Variants in OTOP3 observed in about 807,000 individuals in gnomAD.
The protein encoded by OTOP3 is proton channel OTOP3.
OTOP3 carries 41 observed loss-of-function variants against 50.8 expected under a neutral mutation model. The ratio of observed to expected loss-of-function variants is 0.81; its 90% CI spans 0.63 to 1.05. OTOP3 has a LOEUF of 1.05. Ranked by LOEUF, OTOP3 falls within the 50% of genes least tolerant of loss-of-function variation. The pLI, the probability that OTOP3 is intolerant of heterozygous loss-of-function variation, is 0.00. For missense variants in OTOP3, 788 were observed against 760.8 expected, an observed-to-expected ratio of 1.04 and a Z score of -0.42; for synonymous variants, 320 against 324.4, an observed-to-expected ratio of 0.99 and a Z score of 0.14.
chr17:74,946,409 G>C (rs943580865), intron 5 of OTOP3, among the ~76,000 whole-genome samples: 16 of 152,210 alleles, frequency 1.1e-4, no homozygotes, highest in African/African-American at 3.9e-4. Flanking sequence ...CACTGCGCCT[G>C]GCTGGCATCA....
rs2039265751 is a variant in OTOP3, at chr17:74,949,731, AG to A, written c.*318del. The A allele has an allele frequency of 6.2e-6, 2 of 325,028 alleles. No individual in the cohort carries two copies. Among genetic ancestry groups the A allele is most frequent in the Non-Finnish European group, 1.1e-5 (2 of 175,772 alleles). The allele number at this position is 325,028 out of a possible 1,614,324, so 20.1% of individuals were successfully genotyped here. On this transcript the variant is annotated 3_prime_UTR_variant, in exon 7 of 7. Transcript: ENST00000328801. ...GGCCCCCTCACGGCTACTCTGTGGG[AG>A]GGTCAGACCTACATGACCGAGTCTG...
chr17:74,943,522 T>C (rs2039197077), intron 4 of OTOP3, 84 bp from the exon 5 acceptor site: 1 of 1,424,324 alleles, frequency 7.0e-7, no homozygotes, highest in Non-Finnish European at 9.9e-7. Context: ...GAGTGAGTGG[T>C]TGCCCCAACA....
chr17:74,943,441 G>A, intron 4 of OTOP3, 97 bp downstream of exon 4: 2 of 1,432,984 alleles, frequency 1.4e-6, no homozygotes, highest in Non-Finnish European at 2.0e-6. Flanking sequence ...AGTCTGGGAT[G>A]TGTCCTAGGT....
intron 1 of OTOP3, among the ~76,000 whole-genome samples, chr17:74,939,743 G>C (rs796794142): frequency 6.6e-6 from 1 of 152,078 alleles, no homozygotes; most frequent in South Asian, 2.1e-4. Flanking sequence ...TTCCGGGAGT[G>C]GGGGGAGGGG....
At position 74,947,152 on chromosome 17, in the gene OTOP3, T is replaced by TCCATCGTGG; in HGVS notation, c.1248_1256dup (p.Ile419_Ala421dup). 1 of 1,614,074 alleles carries TCCATCGTGG rather than the reference T, an allele frequency of 6.2e-7. No individual in the cohort carries two copies. Among genetic ancestry groups the TCCATCGTGG allele is most frequent in the Non-Finnish European group, 8.5e-7 (1 of 1,180,028 alleles). On this transcript the variant is annotated inframe_insertion, in exon 6 of 7. Transcript: ENST00000328801. ...GGGCCAGATGGGCATCGCCTATTTCTCCATCGTGGCCATTGTGGCCAAGCG... is the reference window on the plus strand; with the variant it reads ...GGGCCAGATGGGCATCGCCTATTTCTCCATCGTGGCCATCGTGGCCATTGTGGCCAAGCG...
upstream of OTOP3, chr17:74,935,849 G>A (rs1479907310): frequency 4.6e-6 from 7 of 1,533,156 alleles, no homozygotes; most frequent in South Asian, 8.4e-5. Context: ...GCTGGGGGAG[G>A]GCGTCGCGGG....
At chr17:74,941,281 C>T in intron 1 of OTOP3, 112 bp from the exon 2 acceptor site, 2 of 1,135,788 alleles carry the variant, frequency 1.8e-6, no homozygotes, top group Non-Finnish European at 1.2e-6. Flanking sequence ...TCCCAACCAC[C>T]CAACCAGAGA....
intron 6 of OTOP3, among the ~76,000 whole-genome samples, chr17:74,947,792 A>T (rs2039244143): frequency 6.6e-6 from 1 of 152,074 alleles, no homozygotes; most frequent in South Asian, 2.1e-4. Flanking sequence ...TTTCTAAGAC[A>T]CTCCTAGAGG....
chr17:74,943,796 A>AC, intron 5 of OTOP3, 72 bp downstream of exon 5: 2 of 1,243,470 alleles, frequency 1.6e-6, no homozygotes, highest in Non-Finnish European at 2.3e-6. Flanking sequence ...ACACACACAT[A>AC]AACGCTACAC....
At chr17:74,936,023 G>A (rs2039111467) in intron 1 of OTOP3, 83 bp downstream of exon 1, 2 of 1,525,572 alleles carry the variant, frequency 1.3e-6, no homozygotes, top group African/African-American at 1.4e-5. Flanking sequence ...CAAAAGGGGG[G>A]TTCACAAGTA....
intron 5 of OTOP3, among the ~76,000 whole-genome samples, 155 bp from the exon 6 acceptor site, chr17:74,946,506 T>C (rs2039225122): frequency 6.6e-6 from 1 of 152,244 alleles, no homozygotes; most frequent in Admixed American, 6.5e-5. Flanking sequence ...TTGTGATCTC[T>C]TTGCCTGGGC....
chr17:74,946,166 C>T (rs886135368), intron 5 of OTOP3, among the ~76,000 whole-genome samples: 5 of 152,022 alleles, frequency 3.3e-5, no homozygotes, highest in African/African-American at 4.8e-5. Context: ...TTAGTAGAGA[C>T]GGGGTTTCAC....
At chr17:74,939,930 T>G (rs6501743) in intron 1 of OTOP3, among the ~76,000 whole-genome samples, 133,534 of 151,994 alleles carry the variant, frequency 0.88, 58,834 homozygotes, top group East Asian at 0.96. Flanking sequence ...ATGTTTAAAC[T>G]CAGGGTCTTG....
Position 74,949,411 on chromosome 17 carries a change from G to C in OTOP3, c.1732G>C (p.Ala578Pro), listed in dbSNP as rs1406233060. 6.2e-7 allele frequency: 1 copy of C among 1,611,838 alleles called. No individual in the cohort carries two copies. Among genetic ancestry groups the C allele is most frequent in the South Asian group, 1.1e-5 (1 of 90,930 alleles). Residue 578 changes from alanine to proline, a missense_variant, in exon 7 of 7, where the codon GCC (alanine) becomes CCC (proline). Coordinates refer to ENST00000328801, the MANE Select transcript of OTOP3 (RefSeq NM_001272005.2). ...AGGCCTGGTGGAGGTCTACCTGGGG[G>C]CCTGAGGCTGCCCACCCCCGGCAGA... Reference protein sequence around the residue: ...VGGLVEVYLGA With the variant: ...VGGLVEVYLGP
intron 5 of OTOP3, among the ~76,000 whole-genome samples, chr17:74,945,631 G>A (rs760921297): frequency 3.3e-5 from 5 of 152,190 alleles, no homozygotes; most frequent in South Asian, 2.1e-4. Flanking sequence ...GGACAGGGAT[G>A]GCAAGGTACT....
Position 74,947,435 on chromosome 17 carries a change from T to C in OTOP3, c.1526T>C (p.Leu509Pro). The change falls in exon 6 of 7, where the codon CTC (leucine) becomes CCC (proline). Residue 509 changes from leucine (L) to proline (P), a missense_variant. Coordinates refer to ENST00000328801, the MANE Select transcript of OTOP3 (RefSeq NM_001272005.2). Reference sequence around the variant, plus strand: ...CACCTCAACTGGAAGCGGAGGGCACTCAAGGAGATCTCACTCTTCCTCATC... The same window carrying C: ...CACCTCAACTGGAAGCGGAGGGCACCCAAGGAGATCTCACTCTTCCTCATC... Reference protein sequence around the residue: ...YSHLNWKRRALKEISLFLILC... With the variant: ...YSHLNWKRRAPKEISLFLILC... The C allele has an allele frequency of 6.2e-7, 1 of 1,610,802 alleles. No homozygotes were observed. Among genetic ancestry groups the C allele is most frequent in the Non-Finnish European group, 8.5e-7 (1 of 1,178,538 alleles).
Position 74,943,623 on chromosome 17 carries a change from C to A in OTOP3, c.650C>A (p.Thr217Asn), listed in dbSNP as rs1336887607. ...TCCCCCAGGTGTGGCCTGATGCTGA[C>A]CCTGGCCACAAACCTGCTGCTGTGG... ...TNFTRCGLML[T>N]LATNLLLWVL... Residue 217 changes from threonine to asparagine, a missense_variant, in exon 5 of 7, where the codon ACC becomes AAC. By Grantham distance (65) the Thr-to-Asn change is moderately conservative. Coordinates refer to ENST00000328801, the MANE Select transcript of OTOP3 (RefSeq NM_001272005.2). 5 of 1,613,756 alleles carry A rather than the reference C, an allele frequency of 3.1e-6. No homozygotes were observed. Among genetic ancestry groups the A allele is most frequent in the Non-Finnish European group, 4.2e-6 (5 of 1,179,938 alleles).
chr17:74,940,547 C>A (rs1250918432), intron 1 of OTOP3, among the ~76,000 whole-genome samples: 1 of 152,094 alleles, frequency 6.6e-6, no homozygotes, highest in African/African-American at 2.4e-5. Context: ...GGGGAGGGAG[C>A]ATGACAGCCT....
rs1302739865 is a variant in OTOP3, at chr17:74,947,128, G to C, written c.1219G>C (p.Gly407Arg). Residue 407 changes from glycine to arginine, a missense_variant, in exon 6 of 7, where the codon GGC becomes CGC. Transcript: ENST00000328801. Reference protein sequence around the residue: ...DVVLLMGAALGQMGIAYFSIV... With the variant: ...DVVLLMGAALRQMGIAYFSIV... ...GGTGCTGCTAATGGGTGCTGCACTGGGCCAGATGGGCATCGCCTATTTCTC... is the reference window on the plus strand; with the variant it reads ...GGTGCTGCTAATGGGTGCTGCACTGCGCCAGATGGGCATCGCCTATTTCTC... The C allele has an allele frequency of 1.2e-6, 2 of 1,613,998 alleles. No homozygotes were observed. Among genetic ancestry groups the C allele is most frequent in the Admixed American group, 3.3e-5 (2 of 60,016 alleles).
Sources: gnomAD v4.1 joint callset for allele counts (sites outside exome capture counted in the v4.1 genomes callset) on GRCh38, gnomAD v4.1.1 for gene constraint, MANE v1.5 for transcripts, NCBI Gene and HGNC (gene_info 2026-07-23, HGNC 2026-07-21) for gene names.